The following HGF variants were observed in gnomAD, a reference collection of about 807,000 sequenced individuals.
HGF encodes fibroblast-derived tumor cytotoxic factor.
Under a neutral mutation model 111.6 loss-of-function variants are expected in HGF, and 39 were observed. The ratio of observed to expected loss-of-function variants is 0.35; its 90% confidence interval spans 0.27 to 0.46. The LOEUF (loss-of-function observed/expected upper bound fraction) is 0.46. Among genes scored for constraint, HGF ranks in the 20% least tolerant of loss-of-function variants. The pLI, the probability that HGF is intolerant of heterozygous loss-of-function variation, is 1.00. For synonymous variants in HGF, 285 were observed against 294.8 expected (o/e 0.97, Z 0.34); for missense variants, 735 against 910.5 (o/e 0.81, Z 2.48).
chr7:81,751,080 A>G, intron 5 of HGF: 14 of 981,456 alleles, frequency 1.4e-5, no homozygotes, highest in Non-Finnish European at 1.7e-5. Context: ...CTCTGTGACA[A>G]TTAGCTAACA....
At chr7:81,756,014 A>C (rs1364268458) in intron 4 of HGF, 3 of 701,810 alleles carry the variant, frequency 4.3e-6, no homozygotes. Flanking sequence ...TTGTGTCCCC[A>C]AAATGGAATA....
chr7:81,729,499 G>T, intron 8 of HGF, 106 bp downstream of exon 8: 1 of 806,816 alleles, frequency 1.2e-6, no homozygotes. Context: ...TTATCACTGG[G>T]CACGCTGAAG....
At chr7:81,717,465 G>T in intron 10 of HGF, 100 bp from the exon 11 acceptor site, 1 of 1,151,578 alleles carries the variant, frequency 8.7e-7, no homozygotes, top group African/African-American at 1.5e-5. Flanking sequence ...TACTTTCACT[G>T]TAGATACAGC....
intron 9 of HGF, 133 bp downstream of exon 9, chr7:81,725,757 A>T: frequency 4.9e-6 from 5 of 1,015,926 alleles, no homozygotes; most frequent in South Asian, 3.8e-5. Flanking sequence ...CCAGCTTCAA[A>T]CTTGGTGATT....
chr7:81,719,236 C>T (rs1011645478), intron 10 of HGF, among the ~76,000 whole-genome samples: 1 of 152,184 alleles, frequency 6.6e-6, no homozygotes, highest in Non-Finnish European at 1.5e-5. Context: ...AGCTAATTTC[C>T]CTTCCTTTAA....
chr7:81,768,905 C>T (rs978691486), intron 1 of HGF, among the ~76,000 whole-genome samples: 5 of 152,146 alleles, frequency 3.3e-5, no homozygotes, highest in African/African-American at 1.2e-4. Context: ...ACCCTTGTAC[C>T]ATATCAAAAA....
At chr7:81,741,583 C>CTGTGTG (rs78641495) in intron 7 of HGF, among the ~76,000 whole-genome samples, 3,504 of 140,624 alleles carry the variant, frequency 0.025, 150 homozygotes, top group African/African-American at 0.082. Flanking sequence ...GTGTGTGTGT[C>CTGTGTG]TGTGTGTGTG....
intron 13 of HGF, among the ~76,000 whole-genome samples, chr7:81,709,109 T>C (rs1789505101): frequency 6.6e-6 from 1 of 152,156 alleles, no homozygotes; most frequent in Non-Finnish European, 1.5e-5. Context: ...GATTTAATAA[T>C]AGTAACAGAC....
chr7:81,704,528 T>A (rs1178489553), intron 17 of HGF, among the ~76,000 whole-genome samples: 1 of 151,844 alleles, frequency 6.6e-6, no homozygotes, highest in Non-Finnish European at 1.5e-5. Context: ...ATATCATTTT[T>A]AAGCAGTTCT....
intron 12 of HGF, 126 bp from the exon 13 acceptor site, chr7:81,710,369 T>C (rs1347962382): frequency 1.4e-6 from 1 of 725,918 alleles, no homozygotes; most frequent in African/African-American, 1.8e-5. Context: ...AAAGAACAGT[T>C]TGGTGAAAGA....
intron 17 of HGF, 148 bp from the exon 18 acceptor site, chr7:81,702,905 C>A: frequency 1.4e-6 from 1 of 706,596 alleles, no homozygotes; most frequent in South Asian, 1.8e-5. Context: ...AATTAGTGTA[C>A]TAGACATTTG....
intron 4 of HGF, chr7:81,755,143 T>G (rs1788697515): frequency 6.6e-6 from 1 of 152,076 alleles, no homozygotes; most frequent in African/African-American, 2.4e-5. Flanking sequence ...AGGATACAGA[T>G]GTAGATATCA....
chr7:81,723,450 A>G (rs1172850109), intron 9 of HGF, among the ~76,000 whole-genome samples: 1 of 151,996 alleles, frequency 6.6e-6, no homozygotes, highest in Non-Finnish European at 1.5e-5. Flanking sequence ...TTTGGTTACA[A>G]TTTTCTGACT....
chr7:81,769,520 C>T lies in HGF; in HGVS notation c.88+364G>A, dbSNP rs760914713. Among the ~76,000 whole-genome samples the T allele has an allele frequency of 3.9e-5, 6 of 152,248 alleles. No individual in the cohort carries two copies. The South Asian group carries it at 6.2e-4, about 16-fold the overall frequency. On this transcript the variant is annotated intron_variant, in intron 1 of 17. Transcript: ENST00000222390. ...ACTTCCTGCCGGACTGACCATCACT[C>T]TTGCCTCTTCAGACCAGACCCTCTC...
At position 81,702,375 on chromosome 7, in the gene HGF, C is replaced by T; in HGVS notation, c.*206G>A. On this transcript the variant is annotated 3_prime_UTR_variant, in exon 18 of 18. Coordinates refer to ENST00000222390, the MANE Select transcript of HGF (RefSeq NM_000601.6). ...GATATGTTATTACACTTGCATGTAC[C>T]TTAATTCACTTCAACATTGACAAAA... 1.8e-6 allele frequency: 1 copy of T among 547,662 alleles called. No homozygotes were observed. Among genetic ancestry groups the T allele is most frequent in the South Asian group, 2.2e-5 (1 of 45,060 alleles). 33.9% of individuals were successfully genotyped at this position (547,662 alleles called of 1,614,324 possible).
intron 2 of HGF, among the ~76,000 whole-genome samples, chr7:81,759,946 GC>G (rs1191329382): frequency 4.6e-5 from 7 of 152,064 alleles, no homozygotes; most frequent in African/African-American, 1.7e-4. Flanking sequence ...TGATAAATAC[GC>G]AAAAAAATGA....
chr7:81,711,039 T>G (rs1789558238), intron 12 of HGF, among the ~76,000 whole-genome samples: 1 of 152,208 alleles, frequency 6.6e-6, no homozygotes, highest in South Asian at 2.1e-4. Flanking sequence ...TGTGTCATCT[T>G]GTGCCCACTT....
At chr7:81,725,774 G>T in intron 9 of HGF, 116 bp downstream of exon 9, 5 of 1,183,074 alleles carry the variant, frequency 4.2e-6, no homozygotes, top group Non-Finnish European at 6.3e-6. Flanking sequence ...GATTTTGTTT[G>T]CAAGCCAGCA....
chr7:81,752,726 A>G (rs1241930034), intron 4 of HGF, among the ~76,000 whole-genome samples: 1 of 151,962 alleles, frequency 6.6e-6, no homozygotes, highest in Non-Finnish European at 1.5e-5. Flanking sequence ...TTTCTGCACA[A>G]TTGAGAAACA....
Sources: allele counts gnomAD v4.1 joint callset (sites outside exome capture counted in the v4.1 genomes callset), GRCh38; gene constraint gnomAD v4.1.1; transcripts MANE v1.5; gene names NCBI Gene and HGNC (gene_info 2026-07-23, HGNC 2026-07-21).